The following SNX13 variants were observed in gnomAD, a reference collection of about 807,000 sequenced individuals.
SNX13 encodes sorting nexin-13.
A neutral mutation model predicts 133.6 loss-of-function variants in SNX13; 45 were observed. The ratio of observed to expected loss-of-function variants is 0.34; its 90% CI spans 0.27 to 0.43. The LOEUF is 0.43. Among genes scored for constraint, SNX13 ranks in the 20% least tolerant of loss-of-function variants. The pLI, the probability that SNX13 is intolerant of heterozygous loss-of-function variation, is 1.00. For missense variants in SNX13, 1,032 were observed against 1,145.1 expected (o/e 0.90, Z 1.43); for synonymous variants, 414 against 373.9 (o/e 1.11, Z -1.24).
At chr7:17,871,515 G>C (rs1438269400) in intron 8 of SNX13, among the ~76,000 whole-genome samples, 1 of 152,102 alleles carries the variant, frequency 6.6e-6, no homozygotes, top group Non-Finnish European at 1.5e-5. Context: ...GTTTTAGCAA[G>C]AATTCTATCA....
intron 15 of SNX13, chr7:17,831,805 AT>A: frequency 1.0e-6 from 1 of 982,884 alleles, no homozygotes; most frequent in Non-Finnish European, 1.2e-6. Context: ...GGAAAGGCCT[AT>A]TTTTGATTAA....
At chr7:17,933,261 C>T (rs955510129) in intron 1 of SNX13, among the ~76,000 whole-genome samples, 1 of 152,084 alleles carries the variant, frequency 6.6e-6, no homozygotes, top group African/African-American at 2.4e-5. Context: ...TGCTTTAAGG[C>T]GGCCGGGCCC....
Position 17,793,171 on chromosome 7 carries a change from A to G in SNX13, c.*874T>C, listed in dbSNP as rs1326225113. ...TTTCCAGACTACTATTTAAATTTCC[A>G]TATTTTTAGAAGGACAAAATGTATT... is the stretch of plus-strand genomic sequence containing the variant. On this transcript the variant is annotated 3_prime_UTR_variant, in exon 26 of 26. Coordinates refer to ENST00000428135, the MANE Select transcript of SNX13 (RefSeq NM_015132.5). 6.6e-6 allele frequency: 1 copy of G among 152,306 alleles called. No individual in the cohort carries two copies. The highest frequency in any genetic ancestry group is 1.5e-5 in the Non-Finnish European group (1 of 67,844). The allele number at this position is 152,306 out of a possible 1,614,324, so 9.4% of individuals were successfully genotyped here. A position where few individuals can be genotyped will look rare whatever the true frequency, so the allele number is the denominator to read the frequency against.
chr7:17,897,064 A>T (rs962043228), intron 2 of SNX13, among the ~76,000 whole-genome samples: 1 of 152,108 alleles, frequency 6.6e-6, no homozygotes, highest in African/African-American at 2.4e-5. Context: ...AATTTGAAAA[A>T]TTTTTTAAAC....
At chr7:17,837,833 C>A (rs1049341648) in intron 13 of SNX13, among the ~76,000 whole-genome samples, 2 of 151,088 alleles carry the variant, frequency 1.3e-5, no homozygotes, top group African/African-American at 4.9e-5. Flanking sequence ...TCTGGTGACA[C>A]ATTTTTTTTT....
chr7:17,843,919 A>T (rs1790195197), intron 12 of SNX13, among the ~76,000 whole-genome samples: 1 of 152,044 alleles, frequency 6.6e-6, no homozygotes, highest in Admixed American at 6.6e-5. Context: ...TAATTAAAAC[A>T]AACATAACAC....
rs1345097605 is a variant in SNX13 at position 17,875,541 on chromosome 7, T to C, written c.603A>G (p.Glu201=). ...EDLVDTFFEV[E]VEMEKEVCRD... is the part of the protein sequence containing the mutation. ...GGCAAACCTCCTTCTCCATTTCAAC[T>C]TCAACTTCAAAGAAGGTATCTACAA... Residue 201 remains glutamate, a synonymous_variant, in exon 7 of 26, where the codon GAA becomes GAG. Transcript: ENST00000428135. 2.5e-6 allele frequency: 4 copies of C among 1,610,808 alleles called. No individual in the cohort carries two copies. In the African/African-American group the frequency reaches 5.4e-5, roughly 22 times the overall value.
chr7:17,805,257 G>GCGCGCGCGCGCGCC (rs1022329928), intron 20 of SNX13, among the ~76,000 whole-genome samples: 1 of 146,906 alleles, frequency 6.8e-6, no homozygotes, highest in Non-Finnish European at 1.5e-5. Context: ...GTGTGCGTGC[G>GCGCGCGCGCGCGCC]CGCGCGCGCA....
At chr7:17,888,253 T>C (rs1408377425) in intron 5 of SNX13, 3 of 152,290 alleles carry the variant, frequency 2.0e-5, no homozygotes, top group African/African-American at 7.2e-5. Context: ...TTTCCAGAAA[T>C]TTAAGGTAAA....
chr7:17,839,862 T>C lies in SNX13; in HGVS notation c.1304A>G (p.Lys435Arg). The C allele has an allele frequency of 1.2e-6, 2 of 1,611,540 alleles. 1 individual carries two copies. The highest frequency in any genetic ancestry group is 2.2e-5 in the South Asian group (2 of 90,976). ...RDGKHQTNQT[K>R]GLLRAAAVGI... ...AACAGCAGCTGCTCTTAAAAGACCTTTGGTTTGGTTGGTTTGATGTTTTCC... is the reference window on the plus strand; with the variant it reads ...AACAGCAGCTGCTCTTAAAAGACCTCTGGTTTGGTTGGTTTGATGTTTTCC... Residue 435 changes from lysine (K) to arginine (R), a missense_variant, in exon 13 of 26, where the codon AAA becomes AGA. Lys to Arg is a conservative substitution (Grantham distance 26). Transcript: ENST00000428135.
At chr7:17,794,608 C>T (rs1680982456) in intron 25 of SNX13, 1 of 207,048 alleles carries the variant, frequency 4.8e-6, no homozygotes, top group South Asian at 1.5e-4. Context: ...TACTTACCCA[C>T]CACCCTGACT....
At chr7:17,829,723 T>C (rs1420384913) in intron 16 of SNX13, among the ~76,000 whole-genome samples, 1 of 151,292 alleles carries the variant, frequency 6.6e-6, no homozygotes, top group African/African-American at 2.4e-5. Context: ...TGCTAAATAT[T>C]AGAATTGAAA....
chr7:17,810,185 G>A (rs1583320860), intron 20 of SNX13, among the ~76,000 whole-genome samples: 1 of 152,062 alleles, frequency 6.6e-6, no homozygotes, highest in South Asian at 2.1e-4. Flanking sequence ...CCAGGAGCTG[G>A]TTTTTTTGAA....
chr7:17,799,827 C>T (rs918822875), intron 22 of SNX13, among the ~76,000 whole-genome samples: 5 of 151,812 alleles, frequency 3.3e-5, no homozygotes, highest in African/African-American at 9.6e-5. Context: ...CAAAAAAATA[C>T]GTATAAAATA....
At chr7:17,841,553 TACACACACACACACACAC>T (rs71553704) in intron 12 of SNX13, among the ~76,000 whole-genome samples, 3 of 142,972 alleles carry the variant, frequency 2.1e-5, no homozygotes, top group Non-Finnish European at 4.5e-5. Context: ...CAGTTATTCA[TACACACACACACACACAC>T]ACACACACAC....
At chr7:17,817,078 T>C (rs1786748830) in intron 18 of SNX13, among the ~76,000 whole-genome samples, 1 of 152,182 alleles carries the variant, frequency 6.6e-6, no homozygotes, top group South Asian at 2.1e-4. Context: ...AAACATAAAC[T>C]CATAGATTAC....
intron 1 of SNX13, among the ~76,000 whole-genome samples, chr7:17,909,624 A>T (rs1036039158): frequency 2.6e-5 from 4 of 152,226 alleles, no homozygotes; most frequent in African/African-American, 9.6e-5. Context: ...AAAAAACCGA[A>T]CACTGCATGT....
chr7:17,889,045 A>T (rs1295352148), intron 5 of SNX13: 1 of 188,220 alleles, frequency 5.3e-6, no homozygotes, highest in East Asian at 1.6e-4. Context: ...AGAAAAAAAA[A>T]GTCATCAGGA....
intron 1 of SNX13, among the ~76,000 whole-genome samples, chr7:17,916,081 A>C (rs1799528906): frequency 1.3e-5 from 2 of 152,200 alleles, no homozygotes; most frequent in African/African-American, 4.8e-5. Flanking sequence ...GAAAATTATG[A>C]CAGAAAACAA....
Sources: gnomAD v4.1 joint callset for allele counts (sites outside exome capture counted in the v4.1 genomes callset) on GRCh38, gnomAD v4.1.1 for gene constraint, MANE v1.5 for transcripts, NCBI Gene and HGNC (gene_info 2026-07-23, HGNC 2026-07-21) for gene names.